Variants in PAPPA2 observed in about 807,000 individuals in gnomAD.
PAPPA2 encodes pappalysin-2.
In PAPPA2, 86 loss-of-function variants were observed where a neutral mutation model predicts 176.4. The ratio of observed to expected loss-of-function variants is 0.49; its 90% CI spans 0.41 to 0.58. The LOEUF is 0.58. Among genes scored for constraint, PAPPA2 ranks in the 20% least tolerant of loss-of-function variants. PAPPA2 has a pLI of 0.00. For missense variants in PAPPA2, 2,073 were observed against 2,256.9 expected (o/e 0.92, Z 1.65); for synonymous variants, 809 against 852.2 (o/e 0.95, Z 0.88).
At chr1:176,735,729 TATCTATCTATC>T (rs1432241993) in intron 12 of PAPPA2, among the ~76,000 whole-genome samples, 3 of 128,664 alleles carry the variant, frequency 2.3e-5, no homozygotes, top group Non-Finnish European at 3.4e-5. Context: ...TCTATCTATC[TATCTATCTATC>T]ATCTATCTGT....
intron 6 of PAPPA2, among the ~76,000 whole-genome samples, chr1:176,693,691 T>G (rs1411940608): frequency 6.6e-6 from 1 of 152,180 alleles, no homozygotes; most frequent in Non-Finnish European, 1.5e-5. Flanking sequence ...GTGACACCAC[T>G]TAGACCTCAC....
Position 176,576,830 on chromosome 1 carries a change from C to T in PAPPA2, c.920-17694C>T, listed in dbSNP as rs555445370. On this transcript the variant is annotated intron_variant, in intron 2 of 22. Transcript: ENST00000367662. Reference sequence around the variant, plus strand: ...CTGAGAAGCTCCAGACTCGTCTTTCCGGAGGTCTGTGTGCAATTTCAGCTT... The same window carrying T: ...CTGAGAAGCTCCAGACTCGTCTTTCTGGAGGTCTGTGTGCAATTTCAGCTT... Among the ~76,000 whole-genome samples, 15 of 151,984 alleles carry T rather than the reference C, an allele frequency of 9.9e-5. No homozygotes were observed. In the East Asian group the frequency reaches 2.1e-3, roughly 22 times the overall value.
At position 176,556,112 on chromosome 1, in the gene PAPPA2, G is replaced by A; in HGVS notation, c.-211G>A. The A allele has an allele frequency of 1.7e-6, 1 of 596,848 alleles. No homozygotes were observed. Among genetic ancestry groups the A allele is most frequent in the Admixed American group, 3.1e-5 (1 of 32,494 alleles). The allele number at this position is 596,848 out of a possible 1,614,324, so 37.0% of individuals were successfully genotyped here. ...AAGCGTGCGGGAAGCACATGCCCTGGGGAGGCATAGAAGCCACACTGGCAG... is the reference window on the plus strand; with the variant it reads ...AAGCGTGCGGGAAGCACATGCCCTGAGGAGGCATAGAAGCCACACTGGCAG... On this transcript the variant is annotated 5_prime_UTR_variant, in exon 2 of 23. It introduces an in-frame stop codon into an upstream open reading frame of the 5' UTR. Coordinates refer to ENST00000367662, the MANE Select transcript of PAPPA2 (RefSeq NM_020318.3).
Position 176,799,948 on chromosome 1 carries a change from T to C in PAPPA2, c.5131-113T>C, listed in dbSNP as rs1665604864. The C allele has an allele frequency of 1.6e-5, 17 of 1,049,288 alleles. 1 individual carries two copies. The East Asian group carries it at 4.2e-4, about 26-fold the overall frequency. 65.0% of individuals were successfully genotyped at this position (1,049,288 alleles called of 1,614,324 possible). On this transcript the variant is annotated intron_variant, in intron 20 of 22. Transcript: ENST00000367662. ...CACTTTATGGGACACAATTAGAAACTAGCTGCTTGAGAAATGGAGTTGGAC... is the reference window on the plus strand; with the variant it reads ...CACTTTATGGGACACAATTAGAAACCAGCTGCTTGAGAAATGGAGTTGGAC...
chr1:176,722,714 A>G (rs1661682257), intron 12 of PAPPA2, among the ~76,000 whole-genome samples: 1 of 152,110 alleles, frequency 6.6e-6, no homozygotes, highest in African/African-American at 2.4e-5. Flanking sequence ...TTATATTATT[A>G]TTAGACTTTT....
At chr1:176,790,115 T>C (rs1665111602) in intron 18 of PAPPA2, 138 bp downstream of exon 18, 4 of 987,824 alleles carry the variant, frequency 4.0e-6, no homozygotes, top group Non-Finnish European at 5.9e-6. Flanking sequence ...GTGTTGGTAT[T>C]ATGCAATAGA....
chr1:176,712,630 G>T (rs1205351318), intron 12 of PAPPA2, among the ~76,000 whole-genome samples: 1 of 152,098 alleles, frequency 6.6e-6, no homozygotes, highest in East Asian at 1.9e-4. Flanking sequence ...TCTCTATTAT[G>T]CTATTACAAG....
intron 3 of PAPPA2, among the ~76,000 whole-genome samples, chr1:176,623,915 A>G (rs944441763): frequency 1.2e-4 from 18 of 150,868 alleles, no homozygotes; most frequent in African/African-American, 4.4e-4. Context: ...AACACAGCTC[A>G]CTACAGCCTC....
At chr1:176,737,289 G>C (rs1453604683) in intron 12 of PAPPA2, among the ~76,000 whole-genome samples, 2 of 152,018 alleles carry the variant, frequency 1.3e-5, no homozygotes, top group Non-Finnish European at 2.9e-5. Context: ...ATCGAACTCA[G>C]GGTTTCTGCC....
At chr1:176,651,889 TA>T (rs1378427569) in intron 3 of PAPPA2, among the ~76,000 whole-genome samples, 14 of 151,772 alleles carry the variant, frequency 9.2e-5, no homozygotes, top group Admixed American at 8.6e-4. Context: ...TTGAGCTCAC[TA>T]TTTTTTTTCC....
rs1558478857 is a variant in PAPPA2, at chr1:176,623,575, C to CTT, written c.1991+27980_1991+27981insTT. On this transcript the variant is annotated intron_variant, in intron 3 of 22. Transcript: ENST00000367662. ...CATTTTCCCCTTCCTTCCTTCCTTC[C>CTT]CTCCTTCCTTCCTTCCTTCCTTCCT... is the stretch of plus-strand genomic sequence containing the variant. Among the ~76,000 whole-genome samples the CTT allele has an allele frequency of 5.1e-3, 381 of 75,282 alleles. 10 individuals carry two copies. The highest frequency in any genetic ancestry group is 0.014 in the African/African-American group (269 of 19,704). 49.4% of individuals were successfully genotyped at this position (75,282 alleles called of 152,430 possible). A position where few individuals can be genotyped will look rare whatever the true frequency, so the allele number is the denominator to read the frequency against.
In PAPPA2 at chr1:176,740,084, T is replaced by C. The variant is rs532335259; in HGVS notation, c.4039T>C (p.Ser1347Pro). ...HTTSVLLNFS[S>P]PRVGISAVAL... Reference sequence around the variant, plus strand: ...CACCTCAGTGCTGCTGAATTTCTCATCCCCACGGGTCGGCATCTCAGCTGT... The same window carrying C: ...CACCTCAGTGCTGCTGAATTTCTCACCCCCACGGGTCGGCATCTCAGCTGT... The change falls in exon 14 of 23, where the codon TCC becomes CCC. Residue 1347 changes from serine (S) to proline (P), a missense_variant. Ser to Pro is a moderately conservative substitution (Grantham distance 74, BLOSUM62 -1). Coordinates refer to ENST00000367662, the MANE Select transcript of PAPPA2 (RefSeq NM_020318.3). 6.2e-7 allele frequency: 1 copy of C among 1,613,874 alleles called. No homozygotes were observed. The highest frequency in any genetic ancestry group is 2.2e-5 in the East Asian group (1 of 44,870).
chr1:176,556,205 A>G lies in PAPPA2; in HGVS notation c.-118A>G. ...TTTGAAAAAGTTTGGTCTGTGAACA[A>G]AACAGTTTCCCTGGTGACTGCAAAT... On this transcript the variant is annotated 5_prime_UTR_variant, in exon 2 of 23. Transcript: ENST00000367662. 1 of 1,258,824 alleles carries G rather than the reference A, an allele frequency of 7.9e-7. No homozygotes were observed. Among genetic ancestry groups the G allele is most frequent in the Non-Finnish European group, 1.1e-6 (1 of 911,066 alleles). 78.0% of individuals were successfully genotyped at this position (1,258,824 alleles called of 1,614,324 possible).
In PAPPA2 at chr1:176,739,778, T is replaced by C. The variant is rs753062702; in HGVS notation, c.3934+17T>C. The C allele has an allele frequency of 6.2e-7, 1 of 1,612,906 alleles. No individual in the cohort carries two copies. The highest frequency in any genetic ancestry group is 8.5e-7 in the Non-Finnish European group (1 of 1,179,532). The stretch of plus-strand genomic sequence containing the variant: ...ACTCTCTTGGTGAGTCTGACAAATA[T>C]CCCTTTAGGGTCACTAGAGGACAAC... On this transcript the variant is annotated intron_variant, in intron 13 of 22. Coordinates refer to ENST00000367662, the MANE Select transcript of PAPPA2 (RefSeq NM_020318.3).
At chr1:176,796,654 TTTTC>T (rs1171156406) in intron 20 of PAPPA2, among the ~76,000 whole-genome samples, 3 of 150,920 alleles carry the variant, frequency 2.0e-5, no homozygotes, top group East Asian at 1.9e-4. Context: ...TTTTCTTTCT[TTTTC>T]TTTCTTCTTT....
chr1:176,468,350 T>A (rs1440410213), intron 1 of PAPPA2, among the ~76,000 whole-genome samples: 1 of 152,092 alleles, frequency 6.6e-6, no homozygotes, highest in African/African-American at 2.4e-5. Flanking sequence ...GAAAAGCAAA[T>A]CTGCTTATTA....
chr1:176,746,563 TA>T (rs968637807), intron 14 of PAPPA2, among the ~76,000 whole-genome samples: 2 of 152,148 alleles, frequency 1.3e-5, no homozygotes, highest in Non-Finnish European at 2.9e-5. Flanking sequence ...AATACTATTT[TA>T]AAATATAATT....
At chr1:176,813,430 T>C (rs1666253845) in intron 21 of PAPPA2, among the ~76,000 whole-genome samples, 1 of 152,246 alleles carries the variant, frequency 6.6e-6, no homozygotes, top group South Asian at 2.1e-4. Context: ...TTCCTTTTTC[T>C]CTTCAACTTC....
intron 3 of PAPPA2, among the ~76,000 whole-genome samples, chr1:176,667,424 T>C (rs950341292): frequency 6.6e-6 from 1 of 151,938 alleles, no homozygotes; most frequent in African/African-American, 2.4e-5. Flanking sequence ...GGGGAGTATA[T>C]GGGAATGAGT....
Sources: allele counts gnomAD v4.1 joint callset (sites outside exome capture counted in the v4.1 genomes callset), GRCh38; gene constraint gnomAD v4.1.1; transcripts MANE v1.5; gene names NCBI Gene and HGNC (gene_info 2026-07-23, HGNC 2026-07-21).